EIF4EBP1: variants seen among roughly 807,000 people sequenced by gnomAD.
EIF4EBP1 encodes the protein eukaryotic translation initiation factor 4E-binding protein 1.
In EIF4EBP1, 5 loss-of-function variants were observed where a neutral mutation model predicts 9.2. The ratio of observed to expected loss-of-function variants is 0.54; its 90% CI spans 0.28 to 1.14. The LOEUF (loss-of-function observed/expected upper bound fraction) is 1.14. EIF4EBP1 is among the 50% of genes most tolerant of loss of function. The pLI, the probability that EIF4EBP1 is intolerant of heterozygous loss-of-function variation, is 0.09. For missense variants in EIF4EBP1, 139 were observed against 169.6 expected (o/e 0.82, Z 1.00); for synonymous variants, 62 against 67.0 (o/e 0.93, Z 0.36).
intron 1 of EIF4EBP1, among the ~76,000 whole-genome samples, chr8:38,035,390 G>A (rs1428740537): frequency 1.3e-5 from 2 of 150,864 alleles, no homozygotes; most frequent in African/African-American, 4.9e-5. Context: ...GCTAATTTTT[G>A]TATTTTTATT....
intron 1 of EIF4EBP1, among the ~76,000 whole-genome samples, chr8:38,033,062 C>CTTTTTTTTTTTTTTT (rs765781155): frequency 8.0e-6 from 1 of 125,464 alleles, no homozygotes; most frequent in Non-Finnish European, 1.7e-5. Flanking sequence ...TTCTTTCTTT[C>CTTTTTTTTTTTTTTT]TTTTTTTTTT....
In EIF4EBP1 at chr8:38,060,204, A is replaced by G. The variant is rs541520118; in HGVS notation, c.*269A>G. On this transcript the variant is annotated 3_prime_UTR_variant, in exon 3 of 3. Transcript: ENST00000338825. ...CACACCCTGCAGCCAAGGGCCAGGA[A>G]GTGGACAAGAACGAACCCTTCCTTC... The G allele has an allele frequency of 1.6e-5, 9 of 561,530 alleles. No homozygotes were observed. Among genetic ancestry groups the G allele is most frequent in the African/African-American group, 1.1e-4 (6 of 53,058 alleles). The allele number at this position is 561,530 out of a possible 1,614,324, so 34.8% of individuals were successfully genotyped here. A position where few individuals can be genotyped will look rare whatever the true frequency, so the allele number is the denominator to read the frequency against.
intron 1 of EIF4EBP1, among the ~76,000 whole-genome samples, chr8:38,049,176 C>T (rs1176614250): frequency 2.0e-5 from 3 of 151,196 alleles, no homozygotes; most frequent in Non-Finnish European, 2.9e-5. Context: ...CTCTGTTATA[C>T]TTTTACTTGA....
chr8:38,033,480 C>CA (rs763420653), intron 1 of EIF4EBP1, among the ~76,000 whole-genome samples: 227 of 133,188 alleles, frequency 1.7e-3, no homozygotes, highest in Middle Eastern at 3.8e-3. Flanking sequence ...TGGAGTCTAG[C>CA]AAAAAAAAAA....
intron 1 of EIF4EBP1, among the ~76,000 whole-genome samples, chr8:38,050,951 G>C (rs1809512266): frequency 6.6e-6 from 1 of 152,098 alleles, no homozygotes; most frequent in Non-Finnish European, 1.5e-5. Flanking sequence ...TCTGAAGCAG[G>C]GGAGAGGAGA....
At chr8:38,041,201 A>G (rs1478339921) in intron 1 of EIF4EBP1, among the ~76,000 whole-genome samples, 4 of 152,136 alleles carry the variant, frequency 2.6e-5, no homozygotes, top group African/African-American at 9.6e-5. Flanking sequence ...TCCCAGGTTC[A>G]AGTGATTCTT....
intron 1 of EIF4EBP1, among the ~76,000 whole-genome samples, chr8:38,053,985 C>A (rs546525205): frequency 6.6e-6 from 1 of 152,248 alleles, no homozygotes; most frequent in East Asian, 1.9e-4. Context: ...TAGCACAACA[C>A]CCTACCGAAA....
chr8:38,032,949 CCT>C (rs1363147405), intron 1 of EIF4EBP1, among the ~76,000 whole-genome samples: 1 of 152,100 alleles, frequency 6.6e-6, no homozygotes, highest in Non-Finnish European at 1.5e-5. Flanking sequence ...CAGAATACTG[CCT>C]CTCAGTCTTC....
Position 38,030,629 on chromosome 8 carries a change from G to T in EIF4EBP1, c.56G>T (p.Arg19Leu). Residue 19 changes from arginine to leucine, a missense_variant, in exon 1 of 3, where the codon CGC (arginine) becomes CTC (leucine). Coordinates refer to ENST00000338825, the MANE Select transcript of EIF4EBP1 (RefSeq NM_004095.4). Reference protein sequence around the residue: ...QTPSRAIPATRRVVLGDGVQL... With the variant: ...QTPSRAIPATLRVVLGDGVQL... ...CCAAGCCGGGCCATCCCCGCCACTC[G>T]CCGGGTGGTGCTCGGCGACGGCGTG... 6.6e-7 allele frequency: 1 copy of T among 1,514,088 alleles called. No homozygotes were observed. Among genetic ancestry groups the T allele is most frequent in the Non-Finnish European group, 8.8e-7 (1 of 1,137,810 alleles). The allele number at this position is 1,514,088 out of a possible 1,614,324, so 93.8% of individuals were successfully genotyped here.
Position 38,051,544 on chromosome 8 carries a change from G to A in EIF4EBP1, c.146-5537G>A, listed in dbSNP as rs1213001724. Among the ~76,000 whole-genome samples, 6 of 152,000 alleles carry A rather than the reference G, an allele frequency of 3.9e-5. 1 individual carries two copies. The highest frequency in any genetic ancestry group is 1.4e-4 in the African/African-American group (6 of 41,398). On this transcript the variant is annotated intron_variant, in intron 1 of 2. Coordinates refer to ENST00000338825, the MANE Select transcript of EIF4EBP1 (RefSeq NM_004095.4). ...CAGTGTACAGAGGGGTCCAAGACAG[G>A]CCTGCTGATGACATAGGACCTCAGT...
In EIF4EBP1 at chr8:38,036,666, C is replaced by CTTCTTTTTTTTT. The variant is rs1554545124; in HGVS notation, c.145+5950_145+5961dup. 1.8e-3 allele frequency among the ~76,000 whole-genome samples: 268 copies of CTTCTTTTTTTTT among 150,992 alleles called. 1 individual carries two copies. Among genetic ancestry groups the CTTCTTTTTTTTT allele is most frequent in the African/African-American group, 6.0e-3 (248 of 41,004 alleles). ...TTAGGAAGGCACAGCAATATTGTTT[C>CTTCTTTTTTTTT]TTCTTTTTTTTTTAATTTGAAACAG... On this transcript the variant is annotated intron_variant, in intron 1 of 2. Coordinates refer to ENST00000338825, the MANE Select transcript of EIF4EBP1 (RefSeq NM_004095.4).
intron 1 of EIF4EBP1, among the ~76,000 whole-genome samples, chr8:38,049,107 A>G (rs186434295): frequency 6.6e-5 from 10 of 151,378 alleles, no homozygotes; most frequent in African/African-American, 2.4e-4. Context: ...CCTGGGCAAC[A>G]AGAGCGAAAC....
chr8:38,057,243 A>G lies in EIF4EBP1; in HGVS notation c.308A>G (p.Glu103Gly). ...CAGAGCCACCTGCGCAATAGCCCAG[A>G]AGATAAGCGGGCGGGCGGTGAGTGT... ...ASQSHLRNSP[E>G]DKRAGGEESQ... The change falls in exon 2 of 3, where the codon GAA becomes GGA. Residue 103 changes from glutamate to glycine, a missense_variant. Glu to Gly is a moderately conservative substitution (Grantham distance 98). Transcript: ENST00000338825. 1 of 1,612,418 alleles carries G rather than the reference A, an allele frequency of 6.2e-7. No homozygotes were observed. The highest frequency in any genetic ancestry group is 1.1e-5 in the South Asian group (1 of 90,968).
chr8:38,052,834 C>CG (rs1809543047), intron 1 of EIF4EBP1, among the ~76,000 whole-genome samples: 3 of 151,602 alleles, frequency 2.0e-5, no homozygotes, highest in Non-Finnish European at 4.4e-5. Flanking sequence ...ATTGCAGGTG[C>CG]GAGCCACCTC....
intron 1 of EIF4EBP1, among the ~76,000 whole-genome samples, chr8:38,036,237 G>A (rs965985495): frequency 2.0e-5 from 3 of 152,124 alleles, no homozygotes; most frequent in Non-Finnish European, 4.4e-5. Flanking sequence ...GGAGAGGCCA[G>A]GTGCGATGGC....
rs149762987 is a variant in EIF4EBP1, at chr8:38,054,508, G to T, written c.146-2573G>T. 1.2e-3 allele frequency among the ~76,000 whole-genome samples: 188 copies of T among 152,150 alleles called. 1 individual carries two copies. Among genetic ancestry groups the T allele is most frequent in the African/African-American group, 4.2e-3 (176 of 41,528 alleles). ...AAACAAGAAGGGGGGCACTCTTGCC[G>T]AGTCTCAAAGATTAAGAAACAACAG... is the stretch of plus-strand genomic sequence containing the variant. On this transcript the variant is annotated intron_variant, in intron 1 of 2. Coordinates refer to ENST00000338825, the MANE Select transcript of EIF4EBP1 (RefSeq NM_004095.4).
chr8:38,056,138 C>G (rs532995161), intron 1 of EIF4EBP1, among the ~76,000 whole-genome samples: 1 of 151,868 alleles, frequency 6.6e-6, no homozygotes. Context: ...ACTACAGGCA[C>G]GTACCCATCA....
intron 1 of EIF4EBP1, among the ~76,000 whole-genome samples, chr8:38,033,118 G>A (rs535116377): frequency 7.7e-5 from 11 of 142,492 alleles, no homozygotes; most frequent in Non-Finnish European, 1.5e-4. Flanking sequence ...AGGCTGGAGT[G>A]CAGTGGCGCA....
chr8:38,038,274 T>A (rs576651054), intron 1 of EIF4EBP1, among the ~76,000 whole-genome samples: 2 of 151,548 alleles, frequency 1.3e-5, no homozygotes, highest in South Asian at 4.2e-4. Context: ...TTTGGGAGGC[T>A]GAGGTGGGTG....
Sources: allele counts gnomAD v4.1 joint callset (sites outside exome capture counted in the v4.1 genomes callset), GRCh38; gene constraint gnomAD v4.1.1; transcripts MANE v1.5; gene names NCBI Gene and HGNC (gene_info 2026-07-23, HGNC 2026-07-21).